The following GFRAL variants were observed in gnomAD, a reference collection of about 807,000 sequenced individuals.
GFRAL encodes GDNF family receptor alpha like.
A neutral mutation model predicts 45.4 loss-of-function variants in GFRAL; 36 were observed. The ratio of observed to expected loss-of-function variants is 0.79; its 90% CI spans 0.61 to 1.05. The LOEUF (loss-of-function observed/expected upper bound fraction) is 1.05, where lower values mean the gene tolerates loss of function less well. Among genes scored for constraint, GFRAL ranks in the 50% least tolerant of loss-of-function variants. The pLI is 0.00. For missense variants in GFRAL, 507 were observed against 467.5 expected, an observed-to-expected ratio of 1.08 and a Z score of -0.78; for synonymous variants, 166 against 154.1, an observed-to-expected ratio of 1.08 and a Z score of -0.57.
rs548266407 is a variant in GFRAL, at chr6:55,330,117, A to T, written c.23-1598A>T. Among the ~76,000 whole-genome samples, 169 of 152,168 alleles carry T rather than the reference A, an allele frequency of 1.1e-3. 1 individual carries two copies. The highest frequency in any genetic ancestry group is 3.9e-3 in the African/African-American group (164 of 41,532). ...AACTTGCGTAACATATTAAATTAAC[A>T]TTGCTATTTTCTTGATTGTTTTTAG... On this transcript the variant is annotated intron_variant, in intron 1 of 8. Transcript: ENST00000340465.
chr6:55,332,674 G>A (rs1767845496), intron 2 of GFRAL, among the ~76,000 whole-genome samples: 1 of 151,818 alleles, frequency 6.6e-6, no homozygotes, highest in Admixed American at 6.6e-5. Flanking sequence ...TGCCTGCCTC[G>A]GCCTCCCAAA....
At chr6:55,392,496 T>G (rs954777488) in intron 6 of GFRAL, among the ~76,000 whole-genome samples, 1 of 152,240 alleles carries the variant, frequency 6.6e-6, no homozygotes. Flanking sequence ...GTCTCCTGAA[T>G]AGACAGCAGA....
intron 3 of GFRAL, 81 bp downstream of exon 3, chr6:55,334,025 GA>G: frequency 1.2e-6 from 1 of 837,968 alleles, no homozygotes; most frequent in Non-Finnish European, 1.8e-6. Context: ...TATGTAATGT[GA>G]TTAATGTTTT....
intron 6 of GFRAL, among the ~76,000 whole-genome samples, chr6:55,363,706 C>A (rs943585488): frequency 6.7e-6 from 1 of 149,782 alleles, no homozygotes; most frequent in African/African-American, 2.5e-5. Context: ...TTTGTTCTTG[C>A]GATAGTTTAC....
At chr6:55,386,919 G>A (rs920567084) in intron 6 of GFRAL, among the ~76,000 whole-genome samples, 13 of 152,118 alleles carry the variant, frequency 8.5e-5, no homozygotes, top group Admixed American at 8.5e-4. Flanking sequence ...GCTATAATCT[G>A]GAAATACTGA....
At chr6:55,392,817 C>T (rs1169637606) in intron 6 of GFRAL, among the ~76,000 whole-genome samples, 2 of 152,084 alleles carry the variant, frequency 1.3e-5, no homozygotes, top group Non-Finnish European at 2.9e-5. Flanking sequence ...GCACAACAAA[C>T]TTCCATGACA....
chr6:55,366,361 A>G lies in GFRAL; in HGVS notation c.952+7223A>G, dbSNP rs1225739321. ...TCTTTATTAGTCTTGCTAGTGGTCT[A>G]TCAATTTTGTTGATCCTTTCAAAAA... On this transcript the variant is annotated intron_variant, in intron 6 of 8. Transcript: ENST00000340465. Among the ~76,000 whole-genome samples, 4 of 149,326 alleles carry G rather than the reference A, an allele frequency of 2.7e-5. No individual in the cohort carries two copies. The East Asian group carries it at 5.9e-4, about 22-fold the overall frequency.
intron 6 of GFRAL, among the ~76,000 whole-genome samples, chr6:55,373,597 C>T (rs1398406520): frequency 6.6e-6 from 1 of 152,122 alleles, no homozygotes; most frequent in Non-Finnish European, 1.5e-5. Context: ...CTCTCTCTCT[C>T]TCATTTAATA....
intron 1 of GFRAL, among the ~76,000 whole-genome samples, chr6:55,328,152 C>T (rs73436820): frequency 2.3e-4 from 35 of 151,940 alleles, no homozygotes; most frequent in African/African-American, 7.0e-4. Flanking sequence ...GGACTTACTT[C>T]TCTTGTATTG....
chr6:55,346,056 G>A (rs1158763215), intron 3 of GFRAL, among the ~76,000 whole-genome samples: 3 of 152,186 alleles, frequency 2.0e-5, no homozygotes, highest in Non-Finnish European at 4.4e-5. Context: ...TGCTGGAGAG[G>A]ATGTGGAGAA....
At chr6:55,352,748 A>G (rs9396083) in intron 5 of GFRAL, among the ~76,000 whole-genome samples, 71,039 of 151,908 alleles carry the variant, frequency 0.47, 17,733 homozygotes, top group Non-Finnish European at 0.57. Context: ...CCTAGCACAC[A>G]TGTATGCTAT....
intron 3 of GFRAL, among the ~76,000 whole-genome samples, chr6:55,341,341 C>A: frequency 6.6e-6 from 1 of 152,164 alleles, no homozygotes; most frequent in East Asian, 1.9e-4. Flanking sequence ...GAGGAACGAT[C>A]AGACAACAAC....
chr6:55,343,345 A>G (rs1417524936), intron 3 of GFRAL, among the ~76,000 whole-genome samples: 1 of 152,214 alleles, frequency 6.6e-6, no homozygotes, highest in African/African-American at 2.4e-5. Context: ...CCACGGTGCA[A>G]TCAAACTAGA....
At position 55,402,044 on chromosome 6, in the gene GFRAL, T is replaced by C; in HGVS notation, c.*191T>C. 2.2e-6 allele frequency: 1 copy of C among 456,588 alleles called. No homozygotes were observed. The highest frequency in any genetic ancestry group is 3.8e-6 in the Non-Finnish European group (1 of 261,520). The allele number at this position is 456,588 out of a possible 1,614,324, so 28.3% of individuals were successfully genotyped here. A position where few individuals can be genotyped will look rare whatever the true frequency, so the allele number is the denominator to read the frequency against. On this transcript the variant is annotated 3_prime_UTR_variant, in exon 9 of 9. Transcript: ENST00000340465. Reference sequence around the variant, plus strand: ...CAGGCTGCAGTACAATGGCTCAATCTCGGTTCACTGCAACCTCTGCCTCCA... The same window carrying C: ...CAGGCTGCAGTACAATGGCTCAATCCCGGTTCACTGCAACCTCTGCCTCCA...
chr6:55,330,494 A>G (rs562477453), intron 1 of GFRAL, among the ~76,000 whole-genome samples: 3 of 152,276 alleles, frequency 2.0e-5, no homozygotes, highest in South Asian at 4.1e-4. Flanking sequence ...AAAGGGGAGT[A>G]TAGAATTCAA....
intron 6 of GFRAL, among the ~76,000 whole-genome samples, chr6:55,381,942 C>A (rs1227856721): frequency 6.6e-6 from 1 of 151,822 alleles, no homozygotes; most frequent in Non-Finnish European, 1.5e-5. Context: ...ATTTCAGGAG[C>A]TTTATGTTAA....
chr6:55,360,395 CATCTATATCTAT>C (rs10555370), intron 6 of GFRAL, among the ~76,000 whole-genome samples: 1 of 151,654 alleles, frequency 6.6e-6, no homozygotes, highest in African/African-American at 2.4e-5. Flanking sequence ...TCTATATCTA[CATCTATATCTAT>C]ATCTATATCT....
intron 3 of GFRAL, among the ~76,000 whole-genome samples, chr6:55,349,545 G>C (rs1182570923): frequency 6.6e-6 from 1 of 151,870 alleles, no homozygotes; most frequent in Non-Finnish European, 1.5e-5. Context: ...ACCAACCAAT[G>C]TTCCTTTAAA....
At position 55,330,625 on chromosome 6, in the gene GFRAL, A is replaced by C. The variant is rs183882893; in HGVS notation, c.23-1090A>C. ...TCAGACAGTAGGTATGCAGAGGTAGAAGACAGCATGGATCATTCGGGAAAC... is the reference window on the plus strand; with the variant it reads ...TCAGACAGTAGGTATGCAGAGGTAGCAGACAGCATGGATCATTCGGGAAAC... On this transcript the variant is annotated intron_variant, in intron 1 of 8. Transcript: ENST00000340465. Among the ~76,000 whole-genome samples the C allele has an allele frequency of 3.0e-3, 450 of 152,284 alleles. 4 individuals are homozygous for C. Among genetic ancestry groups the C allele is most frequent in the African/African-American group, 0.011 (441 of 41,574 alleles).
Sources: gnomAD v4.1 joint callset for allele counts (sites outside exome capture counted in the v4.1 genomes callset) on GRCh38, gnomAD v4.1.1 for gene constraint, MANE v1.5 for transcripts, NCBI Gene and HGNC (gene_info 2026-07-23, HGNC 2026-07-21) for gene names.